KLHL12: variants seen among roughly 807,000 people sequenced by gnomAD.
The protein encoded by KLHL12 is kelch like family member 12.
In KLHL12, 17 loss-of-function variants were observed where a neutral mutation model predicts 60.8. That is an observed-to-expected ratio of 0.28 (90% CI 0.19 to 0.42). The LOEUF is 0.42. KLHL12 is among the 10% of genes least tolerant of loss of function. The probability of loss-of-function intolerance (pLI) is 1.00; values close to 1 mark genes in which losing one functional copy is unlikely to be tolerated. For missense variants in KLHL12, 468 were observed against 722.3 expected, an observed-to-expected ratio of 0.65 and a Z score of 4.04; for synonymous variants, 220 against 250.9, an observed-to-expected ratio of 0.88 and a Z score of 1.16.
At chr1:202,906,900 G>C (rs1371733255) in intron 6 of KLHL12, among the ~76,000 whole-genome samples, 2 of 152,168 alleles carry the variant, frequency 1.3e-5, no homozygotes, top group Non-Finnish European at 2.9e-5. Context: ...GACCTCAAGT[G>C]ATCTGCCCAC....
intron 1 of KLHL12, 21 bp from the exon 2 acceptor site, chr1:202,925,228 C>A (rs1447501021): frequency 2.5e-6 from 4 of 1,596,418 alleles, no homozygotes; most frequent in South Asian, 1.1e-5. Context: ...GAAAAAAAAA[C>A]AATGAGCATA....
chr1:202,911,785 T>G, intron 4 of KLHL12: 1 of 691,708 alleles, frequency 1.4e-6, no homozygotes, highest in Non-Finnish European at 2.6e-6. Context: ...AAGAAGCATC[T>G]TTAAAGTCTC....
intron 4 of KLHL12, among the ~76,000 whole-genome samples, chr1:202,911,441 C>CAT (rs1431524216): frequency 2.6e-4 from 31 of 120,394 alleles, no homozygotes; most frequent in South Asian, 5.3e-4. Flanking sequence ...TACACACACA[C>CAT]ATATATATAT....
chr1:202,903,339 T>C (rs1309480105), intron 6 of KLHL12, among the ~76,000 whole-genome samples: 1 of 148,522 alleles, frequency 6.7e-6, no homozygotes, highest in Non-Finnish European at 1.5e-5. Flanking sequence ...TAATTCTTTA[T>C]AACTAATAAG....
At chr1:202,904,016 T>TATC (rs1553236679) in intron 6 of KLHL12, among the ~76,000 whole-genome samples, 1,723 of 150,116 alleles carry the variant, frequency 0.011, 19 homozygotes, top group South Asian at 0.042. Flanking sequence ...ATCTATCTAT[T>TATC]TATCTATCTA....
chr1:202,899,182 G>A (rs978054358), intron 6 of KLHL12, among the ~76,000 whole-genome samples: 3 of 151,846 alleles, frequency 2.0e-5, no homozygotes, highest in South Asian at 4.2e-4. Flanking sequence ...GTGTGGTGGC[G>A]CACACCTGAA....
intron 6 of KLHL12, 66 bp from the exon 7 acceptor site, chr1:202,897,026 G>T: frequency 8.4e-7 from 1 of 1,191,722 alleles, no homozygotes; most frequent in Non-Finnish European, 1.3e-6. Context: ...TAGTCACAGG[G>T]AAGTGTCAAC....
intron 6 of KLHL12, among the ~76,000 whole-genome samples, chr1:202,897,336 A>G (rs1659873709): frequency 6.7e-6 from 1 of 149,224 alleles, no homozygotes; most frequent in South Asian, 2.1e-4. Flanking sequence ...CCTGGGCTCA[A>G]GTGATTCTCC....
chr1:202,894,882 A>T, intron 8 of KLHL12, 133 bp from the exon 9 acceptor site: 1 of 700,804 alleles, frequency 1.4e-6, no homozygotes, highest in Admixed American at 2.6e-5. Context: ...AGATAAGTCA[A>T]TTAAGTTTTA....
intron 6 of KLHL12, among the ~76,000 whole-genome samples, chr1:202,898,771 A>G (rs1187642245): frequency 6.6e-6 from 1 of 152,128 alleles, no homozygotes; most frequent in African/African-American, 2.4e-5. Context: ...CGAGACTGAA[A>G]AGAGACATGA....
intron 2 of KLHL12, among the ~76,000 whole-genome samples, chr1:202,922,676 C>T (rs1235396180): frequency 1.3e-5 from 2 of 151,134 alleles, no homozygotes; most frequent in Non-Finnish European, 2.9e-5. Flanking sequence ...TTAGTAGAGA[C>T]GGGGTTTCAC....
At chr1:202,927,035 G>C in intron 1 of KLHL12, 54 bp downstream of exon 1, 1 of 981,964 alleles carries the variant, frequency 1.0e-6, no homozygotes, top group Non-Finnish European at 1.2e-6. Context: ...CCATAACCCG[G>C]AGTTGACGGA....
At chr1:202,920,826 CATATTAAAATA>C (rs1660674235) in intron 2 of KLHL12, among the ~76,000 whole-genome samples, 2 of 152,094 alleles carry the variant, frequency 1.3e-5, no homozygotes, top group Non-Finnish European at 2.9e-5. Context: ...AAATCTATTT[CATATTAAAATA>C]CAGATGTATT....
rs749527658 is a variant in KLHL12, at chr1:202,908,995, G to A, written c.832+15C>T. On this transcript the variant is annotated intron_variant, in intron 6 of 11. Coordinates refer to ENST00000367261, the MANE Select transcript of KLHL12 (RefSeq NM_021633.4). ...TTGAAAAGCATCCCCTCATTCTGCC[G>A]AGATACCAGCTTACCTAGGCGAGCC... 1.6e-5 allele frequency: 25 copies of A among 1,530,506 alleles called. No homozygotes were observed. The highest frequency in any genetic ancestry group is 6.8e-5 in the East Asian group (3 of 44,402). The allele number at this position is 1,530,506 out of a possible 1,614,324, so 94.8% of individuals were successfully genotyped here.
chr1:202,900,223 C>A (rs141600848), intron 6 of KLHL12, among the ~76,000 whole-genome samples: 26 of 149,714 alleles, frequency 1.7e-4, no homozygotes, highest in East Asian at 5.9e-4. Context: ...CCCTGCCCCA[C>A]CCCCCAACCC....
chr1:202,912,289 T>C, intron 4 of KLHL12: 1 of 855,260 alleles, frequency 1.2e-6, no homozygotes, highest in South Asian at 1.3e-5. Context: ...CATGACTCTG[T>C]GAATAAGACT....
At chr1:202,915,314 C>T (rs1660490617) in intron 4 of KLHL12, among the ~76,000 whole-genome samples, 1 of 152,160 alleles carries the variant, frequency 6.6e-6, no homozygotes, top group Non-Finnish European at 1.5e-5. Flanking sequence ...TCCTGCTTCC[C>T]ATTGTTTTAA....
chr1:202,927,369 G>C (rs1653638737), upstream of KLHL12: 3 of 701,468 alleles, frequency 4.3e-6, no homozygotes, highest in Admixed American at 6.3e-5. Flanking sequence ...TCTGTACGCT[G>C]CTAGGAAGCC....
At position 202,927,157 on chromosome 1, in the gene KLHL12, G is replaced by A. The variant is rs1461702598; in HGVS notation, c.-114C>T. ...CCTGTGGGGATGGAGTGCGGCGCGG[G>A]GCTAGCAGGCGGCTCGGGAGGAGCC... On this transcript the variant is annotated 5_prime_UTR_variant, in exon 1 of 12. Transcript: ENST00000367261. The A allele has an allele frequency of 3.0e-6, 3 of 985,260 alleles. No individual in the cohort carries two copies. Among genetic ancestry groups the A allele is most frequent in the Admixed American group, 6.1e-5 (1 of 16,274 alleles). 61.0% of individuals were successfully genotyped at this position (985,260 alleles called of 1,614,324 possible). A position where few individuals can be genotyped will look rare whatever the true frequency, so the allele number is the denominator to read the frequency against.
Sources: allele counts gnomAD v4.1 joint callset (sites outside exome capture counted in the v4.1 genomes callset), GRCh38; gene constraint gnomAD v4.1.1; transcripts MANE v1.5; gene names NCBI Gene and HGNC (gene_info 2026-07-23, HGNC 2026-07-21).